GPR39: variants seen among roughly 807,000 people sequenced by gnomAD.
GPR39 encodes zinc sensing receptor.
GPR39 carries 23 observed loss-of-function variants against 18.4 expected under a neutral mutation model. The ratio of observed to expected loss-of-function variants is 1.25; its 90% CI spans 0.90 to 1.77. The LOEUF is 1.77. Among genes scored for constraint, GPR39 ranks in the 40% most tolerant of loss-of-function variants. The pLI is 0.00. For synonymous variants in GPR39, 280 were observed against 257.9 expected (o/e 1.09, Z -0.82); for missense variants, 647 against 602.4 (o/e 1.07, Z -0.78).
chr2:132,551,212 A>G (rs1224995129), intron 1 of GPR39, among the ~76,000 whole-genome samples: 1 of 149,712 alleles, frequency 6.7e-6, no homozygotes, highest in Non-Finnish European at 1.5e-5. Flanking sequence ...AGTGCCAGCC[A>G]TCATGTCTGC....
intron 1 of GPR39, among the ~76,000 whole-genome samples, chr2:132,473,850 T>C (rs1310828177): frequency 2.6e-5 from 4 of 152,192 alleles, no homozygotes; most frequent in African/African-American, 4.8e-5. Context: ...ATCCAATTTA[T>C]CCAGGCAGAA....
chr2:132,625,249 C>T (rs889429532), intron 1 of GPR39, among the ~76,000 whole-genome samples: 3 of 152,134 alleles, frequency 2.0e-5, no homozygotes, highest in Non-Finnish European at 4.4e-5. Context: ...TGAGGGACAT[C>T]CTGGCATTTG....
chr2:132,566,686 G>C (rs1309286097), intron 1 of GPR39, among the ~76,000 whole-genome samples: 1 of 152,170 alleles, frequency 6.6e-6, no homozygotes, highest in Non-Finnish European at 1.5e-5. Context: ...GAAGGAGTGG[G>C]TGATTGACAG....
chr2:132,590,369 C>T (rs1680805590), intron 1 of GPR39, among the ~76,000 whole-genome samples: 3 of 152,114 alleles, frequency 2.0e-5, no homozygotes, highest in Admixed American at 2.0e-4. Flanking sequence ...TGCACATTCA[C>T]ACAGATGATG....
intron 1 of GPR39, among the ~76,000 whole-genome samples, chr2:132,425,742 A>T (rs915734507): frequency 3.9e-5 from 6 of 152,226 alleles, no homozygotes; most frequent in Non-Finnish European, 8.8e-5. Flanking sequence ...GAGTCAAAGC[A>T]TGAGAGGCAT....
In GPR39 at chr2:132,566,921, A is replaced by G. The variant is rs376799929; in HGVS notation, c.857-78180A>G. Reference sequence around the variant, plus strand: ...GGACCAGCTCTGACAGCCACAATCAATGGCCTTCCCGGGAGCCTTCTCCAT... The same window carrying G: ...GGACCAGCTCTGACAGCCACAATCAGTGGCCTTCCCGGGAGCCTTCTCCAT... On this transcript the variant is annotated intron_variant, in intron 1 of 1. Transcript: ENST00000329321. Among the ~76,000 whole-genome samples, 40 of 152,288 alleles carry G rather than the reference A, an allele frequency of 2.6e-4. No individual in the cohort carries two copies. The East Asian group carries it at 4.0e-3, about 15-fold the overall frequency.
At chr2:132,619,603 A>C (rs1474628760) in intron 1 of GPR39, among the ~76,000 whole-genome samples, 2 of 152,146 alleles carry the variant, frequency 1.3e-5, no homozygotes, top group African/African-American at 4.8e-5. Flanking sequence ...TTATGTAAGA[A>C]GTTTTCATTT....
At chr2:132,622,105 C>T (rs1439215125) in intron 1 of GPR39, among the ~76,000 whole-genome samples, 1 of 152,108 alleles carries the variant, frequency 6.6e-6, no homozygotes, top group African/African-American at 2.4e-5. Flanking sequence ...AAAAGTCTGC[C>T]AGAATTGGCA....
chr2:132,570,531 A>C (rs1316775620), intron 1 of GPR39, among the ~76,000 whole-genome samples: 4 of 152,076 alleles, frequency 2.6e-5, no homozygotes. Flanking sequence ...CTCCAGTCTC[A>C]TTCTCAGAAC....
chr2:132,546,839 CAAAAAAAAAAA>C (rs60267293), intron 1 of GPR39, among the ~76,000 whole-genome samples: 5 of 33,956 alleles, frequency 1.5e-4, no homozygotes, highest in African/African-American at 2.7e-4. Flanking sequence ...AGCTCCACAG[CAAAAAAAAAAA>C]AAAAAAAAAA....
chr2:132,563,107 A>G (rs35003829), intron 1 of GPR39, among the ~76,000 whole-genome samples: 11,214 of 152,184 alleles, frequency 0.074, 1,394 homozygotes, highest in African/African-American at 0.25. Flanking sequence ...TTCCAGGGAT[A>G]AGGATACAAC....
chr2:132,560,289 C>T (rs377049406), intron 1 of GPR39, among the ~76,000 whole-genome samples: 1 of 152,150 alleles, frequency 6.6e-6, no homozygotes, highest in African/African-American at 2.4e-5. Flanking sequence ...TAGCTCCCAC[C>T]TTTTGCCTTT....
chr2:132,416,911 C>T lies in GPR39; in HGVS notation c.-132C>T, dbSNP rs956863080. The T allele has an allele frequency of 3.4e-6, 4 of 1,183,822 alleles. No homozygotes were observed. The highest frequency in any genetic ancestry group is 1.5e-5 in the African/African-American group (1 of 65,606). 73.3% of individuals were successfully genotyped at this position (1,183,822 alleles called of 1,614,324 possible). On this transcript the variant is annotated 5_prime_UTR_variant, in exon 1 of 2. Transcript: ENST00000329321. ...CACCTGAAATACTAAGTTACCTTCG[C>T]GAGGAGAACTCGAGTGAGATAAAAT...
intron 1 of GPR39, among the ~76,000 whole-genome samples, chr2:132,458,992 G>A (rs556228904): frequency 1.3e-5 from 2 of 152,238 alleles, no homozygotes; most frequent in East Asian, 3.9e-4. Flanking sequence ...AGACATTGTT[G>A]ACTGCATTTT....
At chr2:132,636,194 C>T (rs150484969) in intron 1 of GPR39, among the ~76,000 whole-genome samples, 2 of 152,262 alleles carry the variant, frequency 1.3e-5, no homozygotes, top group Non-Finnish European at 2.9e-5. Flanking sequence ...TAATATAGGT[C>T]AATATTATCT....
intron 1 of GPR39, among the ~76,000 whole-genome samples, chr2:132,477,227 A>C (rs1681146686): frequency 6.6e-6 from 1 of 152,186 alleles, no homozygotes; most frequent in Admixed American, 6.5e-5. Flanking sequence ...CTCAAACTTG[A>C]GTCAGAAGAG....
At chr2:132,598,363 G>A (rs557943160) in intron 1 of GPR39, among the ~76,000 whole-genome samples, 42 of 142,552 alleles carry the variant, frequency 2.9e-4, no homozygotes, top group African/African-American at 1.0e-3. Flanking sequence ...AATCACCAAG[G>A]GATTTTTTTT....
At chr2:132,427,431 G>A (rs1037564034) in intron 1 of GPR39, among the ~76,000 whole-genome samples, 5 of 150,334 alleles carry the variant, frequency 3.3e-5, no homozygotes, top group Admixed American at 2.0e-4. Context: ...AAAGTGCTGG[G>A]ATTACAGGCG....
chr2:132,557,652 G>C (rs569958796), intron 1 of GPR39, among the ~76,000 whole-genome samples: 2 of 151,974 alleles, frequency 1.3e-5, no homozygotes, highest in Non-Finnish European at 2.9e-5. Context: ...TTATTAACCT[G>C]CCAGGCTGCT....
Sources: gnomAD v4.1 joint callset for allele counts (sites outside exome capture counted in the v4.1 genomes callset) on GRCh38, gnomAD v4.1.1 for gene constraint, MANE v1.5 for transcripts, NCBI Gene and HGNC (gene_info 2026-07-23, HGNC 2026-07-21) for gene names.